Variants in CCDC66 observed in about 807,000 individuals in gnomAD.
CCDC66 encodes coiled-coil domain-containing protein 66.
CCDC66 carries 133 observed loss-of-function variants against 128.3 expected under a neutral mutation model. That is an observed-to-expected ratio of 1.04 (90% CI 0.90 to 1.20). The LOEUF (loss-of-function observed/expected upper bound fraction) is 1.20, where lower values mean the gene tolerates loss of function less well. CCDC66 is among the 50% of genes most tolerant of loss of function. CCDC66 has a pLI of 0.00. For missense variants in CCDC66, 1,126 were observed against 1,075.5 expected, an observed-to-expected ratio of 1.05 and a Z score of -0.66; for synonymous variants, 387 against 357.0, an observed-to-expected ratio of 1.08 and a Z score of -0.95.
At chr3:56,602,923 C>T (rs1215872342) in intron 10 of CCDC66, among the ~76,000 whole-genome samples, 1 of 149,604 alleles carries the variant, frequency 6.7e-6, no homozygotes, top group Non-Finnish European at 1.5e-5. Context: ...CAAGCTCTGC[C>T]TCCCAGGTTC....
intron 10 of CCDC66, among the ~76,000 whole-genome samples, chr3:56,604,609 C>G (rs2073786167): frequency 6.6e-6 from 1 of 151,768 alleles, no homozygotes; most frequent in Non-Finnish European, 1.5e-5. Flanking sequence ...AATATTGGCC[C>G]CAACTCTCTC....
At chr3:56,578,111 G>A (rs1204732963) in intron 7 of CCDC66, among the ~76,000 whole-genome samples, 4 of 151,650 alleles carry the variant, frequency 2.6e-5, no homozygotes, top group Non-Finnish European at 5.9e-5. Flanking sequence ...GTGATTTGTA[G>A]TTCTTGAAGC....
chr3:56,619,387 A>G lies in CCDC66; in HGVS notation c.2495A>G (p.Asn832Ser), dbSNP rs748749469. 2 of 1,613,962 alleles carry G rather than the reference A, an allele frequency of 1.2e-6. No homozygotes were observed. Among genetic ancestry groups the G allele is most frequent in the African/African-American group, 1.3e-5 (1 of 74,910 alleles). ...AGAGAGAATTTGATCTCAGGAAGTA[A>G]TCAAACAGAATTATCATCTGGGATT... Reference protein sequence around the residue: ...YERENLISGSNQTELSSGISE... With the variant: ...YERENLISGSSQTELSSGISE... The change falls in exon 16 of 18, where the codon AAT (asparagine) becomes AGT (serine). Residue 832 changes from asparagine to serine, a missense_variant. Coordinates refer to ENST00000394672, the MANE Select transcript of CCDC66 (RefSeq NM_001141947.3).
chr3:56,618,310 G>A, intron 15 of CCDC66, 98 bp downstream of exon 15: 1 of 1,078,066 alleles, frequency 9.3e-7, no homozygotes, highest in Non-Finnish European at 1.4e-6. Flanking sequence ...GGTATATGTA[G>A]AGAACAATCA....
At chr3:56,564,254 T>C in intron 4 of CCDC66, 129 bp downstream of exon 4, 1 of 674,642 alleles carries the variant, frequency 1.5e-6, no homozygotes, top group South Asian at 2.5e-5. Flanking sequence ...ATTAAAATAA[T>C]TGTTCTTTTA....
intron 10 of CCDC66, among the ~76,000 whole-genome samples, chr3:56,604,681 TA>T (rs1405276384): frequency 6.6e-6 from 1 of 151,974 alleles, no homozygotes; most frequent in Non-Finnish European, 1.5e-5. Flanking sequence ...CCTTTGTGGG[TA>T]ACCCGACCTT....
Position 56,559,738 on chromosome 3 carries a change from A to G in CCDC66, c.102+144A>G, listed in dbSNP as rs2064856119. The G allele has an allele frequency of 1.3e-5, 8 of 602,264 alleles. No homozygotes were observed. In the South Asian group the frequency reaches 2.5e-4, roughly 19 times the overall value. The allele number at this position is 602,264 out of a possible 1,614,324, so 37.3% of individuals were successfully genotyped here. ...GAGGAGTTATTATTTTCTTGCTTTC[A>G]GATTGGTCCTTTCACAGAAATTGAA... On this transcript the variant is annotated intron_variant, in intron 3 of 17. Transcript: ENST00000394672.
intron 6 of CCDC66, among the ~76,000 whole-genome samples, chr3:56,568,755 G>A (rs762697571): frequency 6.6e-6 from 1 of 152,210 alleles, no homozygotes; most frequent in Admixed American, 6.5e-5. Flanking sequence ...CAGACAGTAT[G>A]TATTCTAGAC....
At chr3:56,560,777 ATTTC>A in intron 3 of CCDC66, 1 of 418,284 alleles carries the variant, frequency 2.4e-6, no homozygotes, top group South Asian at 1.8e-5. Flanking sequence ...CTTGCTACCT[ATTTC>A]TTTTTTAATT....
chr3:56,603,662 T>C (rs1277372059), intron 10 of CCDC66, among the ~76,000 whole-genome samples: 1 of 151,948 alleles, frequency 6.6e-6, no homozygotes, highest in African/African-American at 2.4e-5. Flanking sequence ...TGTGTTTTTA[T>C]ATCTAGTTTT....
intron 7 of CCDC66, among the ~76,000 whole-genome samples, chr3:56,587,133 T>C (rs1003165643): frequency 1.3e-5 from 2 of 151,840 alleles, no homozygotes; most frequent in African/African-American, 4.8e-5. Flanking sequence ...GTCCTAAGAA[T>C]TGGAGAGGAA....
chr3:56,601,441 G>A (rs952219832), intron 10 of CCDC66, among the ~76,000 whole-genome samples: 1 of 151,996 alleles, frequency 6.6e-6, no homozygotes, highest in Admixed American at 6.6e-5. Context: ...GGTTAGGATT[G>A]TGTTGGCTGT....
At chr3:56,571,753 C>T (rs1297847422) in intron 7 of CCDC66, among the ~76,000 whole-genome samples, 2 of 152,066 alleles carry the variant, frequency 1.3e-5, no homozygotes, top group African/African-American at 4.8e-5. Context: ...GGGTCTTGCT[C>T]TGTTGCTCAG....
chr3:56,559,000 A>G, intron 2 of CCDC66, 90 bp downstream of exon 2: 1 of 878,196 alleles, frequency 1.1e-6, no homozygotes, highest in Non-Finnish European at 1.7e-6. Context: ...CTTGTAATAG[A>G]GTGATATTTA....
In CCDC66 at chr3:56,564,136, T is replaced by G; in HGVS notation, c.544+11T>G. On this transcript the variant is annotated intron_variant, in intron 4 of 17. Transcript: ENST00000394672. Reference sequence around the variant, plus strand: ...GAAAGGAGGCAAAAAGTAAGATTTTTCTAAAGTTTTCATGAATTTTGATTT... The same window carrying G: ...GAAAGGAGGCAAAAAGTAAGATTTTGCTAAAGTTTTCATGAATTTTGATTT... 1.9e-6 allele frequency: 3 copies of G among 1,574,094 alleles called. No individual in the cohort carries two copies. Among genetic ancestry groups the G allele is most frequent in the Non-Finnish European group, 2.6e-6 (3 of 1,161,470 alleles).
chr3:56,613,488 T>C, intron 10 of CCDC66, 101 bp from the exon 11 acceptor site: 1 of 1,361,658 alleles, frequency 7.3e-7, no homozygotes, highest in South Asian at 1.5e-5. Flanking sequence ...TTCCCCTCTG[T>C]GGAAGAGGTG....
chr3:56,617,523 A>G lies in CCDC66; in HGVS notation c.2255A>G (p.Gln752Arg). 2 of 1,612,532 alleles carry G rather than the reference A, an allele frequency of 1.2e-6. No homozygotes were observed. The highest frequency in any genetic ancestry group is 1.7e-6 in the Non-Finnish European group (2 of 1,179,666). Reference protein sequence around the residue: ...VEKNNPGHLSQNRGISPEIFH... With the variant: ...VEKNNPGHLSRNRGISPEIFH... ...AAAAATAATCCTGGGCACCTCTCTC[A>G]AAACAGAGGCATTTCACCAGAAATT... is the stretch of plus-strand genomic sequence containing the variant. Residue 752 changes from glutamine to arginine, a missense_variant, in exon 14 of 18, where the codon CAA becomes CGA. Gln to Arg is a conservative substitution (Grantham distance 43). Transcript: ENST00000394672.
intron 15 of CCDC66, 102 bp downstream of exon 15, chr3:56,618,314 A>T (rs772879570): frequency 1.9e-6 from 2 of 1,041,520 alleles, no homozygotes; most frequent in Non-Finnish European, 2.9e-6. Context: ...TATGTAGAGA[A>T]CAATCAGAAA....
chr3:56,565,188 AG>A (rs774206528), intron 4 of CCDC66: 2 of 409,350 alleles, frequency 4.9e-6, no homozygotes, highest in Non-Finnish European at 1.0e-5. Flanking sequence ...CAGCTAAATA[AG>A]AAAAATAACG....
Sources: gnomAD v4.1 joint callset for allele counts (sites outside exome capture counted in the v4.1 genomes callset) on GRCh38, gnomAD v4.1.1 for gene constraint, MANE v1.5 for transcripts, NCBI Gene and HGNC (gene_info 2026-07-23, HGNC 2026-07-21) for gene names.